CUL5: variants seen among roughly 807,000 people sequenced by gnomAD.
The protein encoded by CUL5 is cullin 5.
In CUL5, 26 loss-of-function variants were observed where a neutral mutation model predicts 108.8. The ratio of observed to expected loss-of-function variants is 0.24; its 90% CI spans 0.18 to 0.33. The LOEUF (loss-of-function observed/expected upper bound fraction) is 0.33, where lower values mean the gene tolerates loss of function less well. Ranked by LOEUF, CUL5 falls within the 10% of genes least tolerant of loss-of-function variation. The pLI, the probability that CUL5 is intolerant of heterozygous loss-of-function variation, is 1.00. For missense variants in CUL5, 524 were observed against 909.2 expected, an observed-to-expected ratio of 0.58 and a Z score of 5.45; for synonymous variants, 334 against 298.0, an observed-to-expected ratio of 1.12 and a Z score of -1.25.
intron 2 of CUL5, among the ~76,000 whole-genome samples, chr11:108,036,499 G>A (rs1346840930): frequency 1.3e-5 from 2 of 152,104 alleles, no homozygotes; most frequent in East Asian, 1.9e-4. Flanking sequence ...TTATTATTGA[G>A]ACAGAGTCTT....
intron 1 of CUL5, among the ~76,000 whole-genome samples, chr11:108,020,140 G>T (rs1361860370): frequency 6.6e-6 from 1 of 152,120 alleles, no homozygotes; most frequent in Non-Finnish European, 1.5e-5. Context: ...TCAACATGAG[G>T]CTTGGTGGAC....
In CUL5 at chr11:108,106,229, G is replaced by A. The variant is rs960730055; in HGVS notation, c.*1845G>A. 3 of 152,550 alleles carry A rather than the reference G, an allele frequency of 2.0e-5. No homozygotes were observed. Among genetic ancestry groups the A allele is most frequent in the African/African-American group, 4.8e-5 (2 of 41,442 alleles). 9.4% of individuals were successfully genotyped at this position (152,550 alleles called of 1,614,324 possible). On this transcript the variant is annotated 3_prime_UTR_variant, in exon 19 of 19. Transcript: ENST00000393094. ...CAGATAATTCAGCATTGGCGTATTT[G>A]CTTGTCCCAATACAAGAATGCCAAA...
intron 9 of CUL5, 24 bp downstream of exon 9, chr11:108,072,486 G>T (rs753138013): frequency 6.3e-7 from 1 of 1,580,848 alleles, no homozygotes; most frequent in Admixed American, 1.8e-5. Flanking sequence ...CAATGGCAAT[G>T]ATAGATATAT....
intron 13 of CUL5, 114 bp downstream of exon 13, chr11:108,089,737 A>G (rs957615918): frequency 8.1e-6 from 5 of 617,504 alleles, no homozygotes; most frequent in African/African-American, 1.9e-5. Context: ...GAAACATTTT[A>G]TAAGAATATA....
At chr11:108,046,660 A>G (rs1863076089) in intron 3 of CUL5, among the ~76,000 whole-genome samples, 1 of 152,108 alleles carries the variant, frequency 6.6e-6, no homozygotes, top group South Asian at 2.1e-4. Flanking sequence ...TTTTGGCTAC[A>G]CATCAGTCCA....
intron 7 of CUL5, among the ~76,000 whole-genome samples, chr11:108,057,946 C>T (rs1281587329): frequency 6.6e-6 from 1 of 152,110 alleles, no homozygotes; most frequent in East Asian, 1.9e-4. Context: ...TGCAGTGGCT[C>T]ACGCCTGTAA....
At position 108,072,128 on chromosome 11, in the gene CUL5, G is replaced by A. The variant is rs73557142; in HGVS notation, c.875-204G>A. On this transcript the variant is annotated intron_variant, in intron 8 of 18. Transcript: ENST00000393094. ...CAAGAGGTCAAGGCTGCAGTGAGCC[G>A]TGATCGAGCCACTGTACTCCAGCTT... Among the ~76,000 whole-genome samples, 938 of 152,192 alleles carry A rather than the reference G, an allele frequency of 6.2e-3. 14 individuals carry two copies. The highest frequency in any genetic ancestry group is 0.021 in the African/African-American group (886 of 41,524).
At chr11:108,033,602 A>G (rs570289301) in intron 1 of CUL5, among the ~76,000 whole-genome samples, 200 bp from the exon 2 acceptor site, 1 of 152,150 alleles carries the variant, frequency 6.6e-6, no homozygotes, top group Non-Finnish European at 1.5e-5. Flanking sequence ...CACTAAACAC[A>G]TTTGTACAAT....
intron 1 of CUL5, among the ~76,000 whole-genome samples, chr11:108,021,343 T>A (rs1862322559): frequency 6.6e-6 from 1 of 152,236 alleles, no homozygotes; most frequent in Non-Finnish European, 1.5e-5. Flanking sequence ...AAATTGCCAT[T>A]AATTCTATGG....
At chr11:108,035,118 A>G (rs1256694390) in intron 2 of CUL5, among the ~76,000 whole-genome samples, 8 of 152,342 alleles carry the variant, frequency 5.3e-5, no homozygotes, top group African/African-American at 1.9e-4. Flanking sequence ...AACTGTAACC[A>G]ATCCAGAAAG....
chr11:108,097,367 T>C (rs931448766), intron 16 of CUL5, among the ~76,000 whole-genome samples: 5 of 152,236 alleles, frequency 3.3e-5, no homozygotes, highest in African/African-American at 1.2e-4. Context: ...GGTATATAAC[T>C]GGCAGATGGT....
chr11:108,023,478 T>G (rs1364185147), intron 1 of CUL5, among the ~76,000 whole-genome samples: 1 of 152,194 alleles, frequency 6.6e-6, no homozygotes, highest in Non-Finnish European at 1.5e-5. Context: ...ATTTTAAAAT[T>G]CCTTTTATAG....
chr11:108,019,338 G>T (rs1483855462), intron 1 of CUL5, among the ~76,000 whole-genome samples: 2 of 152,052 alleles, frequency 1.3e-5, no homozygotes, highest in African/African-American at 4.8e-5. Flanking sequence ...AGCAATAGTG[G>T]CTTCATAAAC....
At chr11:108,075,975 A>G (rs541300961) in intron 10 of CUL5, among the ~76,000 whole-genome samples, 1 of 152,292 alleles carries the variant, frequency 6.6e-6, no homozygotes, top group South Asian at 2.1e-4. Context: ...AAGAGCACCC[A>G]AAGTCTACTT....
rs965716112 is a variant in CUL5 at position 108,069,996 on chromosome 11, A to G, written c.781-100A>G. ...GTAAGTGAAATCTACTTTCAGTATA[A>G]TTTTTTTTTTGTTGAACAATATTGT... On this transcript the variant is annotated intron_variant, in intron 7 of 18. Transcript: ENST00000393094. The G allele has an allele frequency of 1.2e-5, 7 of 599,706 alleles. No homozygotes were observed. The Admixed American group carries it at 1.4e-4, about 12-fold the overall frequency. 37.1% of individuals were successfully genotyped at this position (599,706 alleles called of 1,614,324 possible).
chr11:108,012,860 G>T (rs1277605260), intron 1 of CUL5, among the ~76,000 whole-genome samples: 2 of 152,142 alleles, frequency 1.3e-5, no homozygotes, highest in Non-Finnish European at 2.9e-5. Flanking sequence ...GCCACCCAAA[G>T]TGTTGGGATT....
At chr11:108,098,332 T>G (rs1405721503) in intron 17 of CUL5, 74 bp from the exon 18 acceptor site, 1 of 1,322,084 alleles carries the variant, frequency 7.6e-7, no homozygotes, top group Non-Finnish European at 1.0e-6. Flanking sequence ...ATCTTTTCTC[T>G]CAGACATTGT....
At chr11:108,102,247 C>G (rs181604711) in intron 18 of CUL5, among the ~76,000 whole-genome samples, 1 of 152,218 alleles carries the variant, frequency 6.6e-6, no homozygotes, top group East Asian at 1.9e-4. Context: ...CCGGGCTGAT[C>G]TCGAACTCCT....
rs1218174543 is a variant in CUL5 at position 108,106,331 on chromosome 11, T to C, written c.*1947T>C. 1 of 152,524 alleles carries C rather than the reference T, an allele frequency of 6.6e-6. No homozygotes were observed. The highest frequency in any genetic ancestry group is 1.5e-5 in the Non-Finnish European group (1 of 67,966). 9.4% of individuals were successfully genotyped at this position (152,524 alleles called of 1,614,324 possible). On this transcript the variant is annotated 3_prime_UTR_variant, in exon 19 of 19. Coordinates refer to ENST00000393094, the MANE Select transcript of CUL5 (RefSeq NM_003478.6). ...TTAAACCATAATTGTTCTCAGAACT[T>C]TTTTGGAACTTCTAATTTTGGGTCA... is the stretch of plus-strand genomic sequence containing the variant.
Sources: gnomAD v4.1 joint callset for allele counts (sites outside exome capture counted in the v4.1 genomes callset) on GRCh38, gnomAD v4.1.1 for gene constraint, MANE v1.5 for transcripts, NCBI Gene and HGNC (gene_info 2026-07-23, HGNC 2026-07-21) for gene names.